SLC26A7: variants seen among roughly 807,000 people sequenced by gnomAD.
SLC26A7 encodes anion exchange transporter.
Under a neutral mutation model 82.5 loss-of-function variants are expected in SLC26A7, and 59 were observed. That is an observed-to-expected ratio of 0.72 (90% CI 0.58 to 0.89). The LOEUF is 0.89. Ranked by LOEUF, SLC26A7 falls within the 40% of genes least tolerant of loss-of-function variation. SLC26A7 has a pLI of 0.00. For missense variants in SLC26A7, 820 were observed against 793.0 expected (o/e 1.03, Z -0.41); for synonymous variants, 271 against 274.3 (o/e 0.99, Z 0.12).
intron 7 of SLC26A7, 139 bp downstream of exon 7, chr8:91,338,371 A>C (rs1423462554): frequency 5.5e-6 from 3 of 543,172 alleles, no homozygotes; most frequent in Non-Finnish European, 9.2e-6. Context: ...AGAAATACAC[A>C]CTTCATGTGT....
chr8:91,245,843 C>A (rs945005754), upstream of SLC26A7, among the ~76,000 whole-genome samples: 1 of 152,206 alleles, frequency 6.6e-6, no homozygotes, highest in Non-Finnish European at 1.5e-5. Flanking sequence ...CCTCACACTT[C>A]ATAATTGCCG....
intron 2 of SLC26A7, among the ~76,000 whole-genome samples, chr8:91,287,958 A>G (rs1372367767): frequency 2.0e-5 from 3 of 152,156 alleles, no homozygotes; most frequent in East Asian, 1.9e-4. Context: ...ACCAGACTGT[A>G]GGGATACATT....
At chr8:91,351,184 T>A (rs1280045919) in intron 9 of SLC26A7, among the ~76,000 whole-genome samples, 2 of 151,952 alleles carry the variant, frequency 1.3e-5, no homozygotes, top group African/African-American at 2.4e-5. Context: ...ACTATAGGAG[T>A]CAGGTGAATT....
chr8:91,352,908 T>G lies in SLC26A7; in HGVS notation c.1226T>G (p.Leu409Arg). Residue 409 changes from leucine (L) to arginine (R), a missense_variant, in exon 11 of 19, where the codon CTT becomes CGT. Transcript: ENST00000276609. Reference protein sequence around the residue: ...PLLYWLPMCVLASIIVVGLKG... With the variant: ...PLLYWLPMCVRASIIVVGLKG... ...CTTACGTTTTATTTCTAGTGTGTCC[T>G]TGCAAGCATTATTGTTGTGGGACTG... 1 of 1,601,402 alleles carries G rather than the reference T, an allele frequency of 6.2e-7. No homozygotes were observed. The highest frequency in any genetic ancestry group is 8.5e-7 in the Non-Finnish European group (1 of 1,174,970).
At chr8:91,312,863 TA>T (rs1374662501) in intron 4 of SLC26A7, among the ~76,000 whole-genome samples, 23 of 152,174 alleles carry the variant, frequency 1.5e-4, no homozygotes, top group Non-Finnish European at 1.9e-4. Context: ...TGTTGAGTTT[TA>T]GGAGTTCTCT....
At chr8:91,369,368 TG>T (rs1475991062) in intron 14 of SLC26A7, among the ~76,000 whole-genome samples, 2 of 9,668 alleles carry the variant, frequency 2.1e-4, no homozygotes, top group African/African-American at 3.0e-4. Flanking sequence ...GATACAGAGC[TG>T]TTTTTTTTTT....
intron 4 of SLC26A7, among the ~76,000 whole-genome samples, chr8:91,299,956 G>T (rs1812118032): frequency 6.6e-6 from 1 of 152,178 alleles, no homozygotes. Context: ...TATAAGTCAA[G>T]TAAAGAAGTG....
At chr8:91,279,800 C>A (rs1039908941) in intron 2 of SLC26A7, among the ~76,000 whole-genome samples, 4 of 152,106 alleles carry the variant, frequency 2.6e-5, no homozygotes, top group African/African-American at 9.7e-5. Flanking sequence ...ACCTCGTGTG[C>A]ACCCGCCTCG....
chr8:91,264,743 C>T (rs757690262), intron 2 of SLC26A7, among the ~76,000 whole-genome samples: 7 of 151,898 alleles, frequency 4.6e-5, no homozygotes, highest in South Asian at 2.1e-4. Context: ...GGTTACTTGC[C>T]AAAAATTTTT....
At position 91,394,010 on chromosome 8, in the gene SLC26A7, G is replaced by A. The variant is rs1563717757; in HGVS notation, c.1906G>A (p.Ala636Thr). Residue 636 changes from alanine to threonine, a missense_variant, in exon 18 of 19, where the codon GCT becomes ACT. Ala to Thr is a moderately conservative substitution (Grantham distance 58). Coordinates refer to ENST00000276609, the MANE Select transcript of SLC26A7 (RefSeq NM_052832.4). ...ACCAATTTTTTTTGAATCGGTATCT[G>A]CTGCAATAAGTCATATCCATTCAAA... ...EKPIFFESVSAAISHIHSNKN... is the reference protein window; with the variant it reads ...EKPIFFESVSTAISHIHSNKN... The A allele has an allele frequency of 1.2e-6, 2 of 1,613,568 alleles. No homozygotes were observed. Among genetic ancestry groups the A allele is most frequent in the Non-Finnish European group, 1.7e-6 (2 of 1,179,588 alleles).
intron 2 of SLC26A7, among the ~76,000 whole-genome samples, chr8:91,233,360 A>G (rs982025901): frequency 1.3e-5 from 2 of 152,138 alleles, no homozygotes; most frequent in African/African-American, 4.8e-5. Flanking sequence ...TGAGGTCAGG[A>G]GTTCGAGACC....
chr8:91,286,620 C>A (rs1341256968), intron 2 of SLC26A7, among the ~76,000 whole-genome samples: 4 of 152,100 alleles, frequency 2.6e-5, no homozygotes, highest in Admixed American at 2.6e-4. Flanking sequence ...CAATATTTTT[C>A]CCCGAAATAG....
At chr8:91,366,754 T>A in intron 14 of SLC26A7, 37 bp downstream of exon 14, 3 of 1,589,086 alleles carry the variant, frequency 1.9e-6, no homozygotes, top group Non-Finnish European at 2.6e-6. Context: ...TCATACTACA[T>A]GTAGCCTTAT....
intron 2 of SLC26A7, among the ~76,000 whole-genome samples, chr8:91,274,470 G>A (rs10090552): frequency 0.11 from 16,822 of 152,214 alleles, 1,108 homozygotes; most frequent in Middle Eastern, 0.21. Context: ...GAGAAACAGA[G>A]AGCAAGAGAA....
chr8:91,269,292 C>T (rs1030363001), intron 2 of SLC26A7, among the ~76,000 whole-genome samples: 6 of 149,002 alleles, frequency 4.0e-5, no homozygotes, highest in Admixed American at 4.0e-4. Context: ...GATGAATTTC[C>T]TCATCTTGTT....
At chr8:91,309,915 T>G (rs77936461) in intron 4 of SLC26A7, among the ~76,000 whole-genome samples, 4,259 of 152,160 alleles carry the variant, frequency 0.028, 178 homozygotes, top group African/African-American at 0.096. Flanking sequence ...TCGAGGTGTT[T>G]TTCCCTACCC....
chr8:91,304,173 A>C (rs1458474488), intron 4 of SLC26A7, among the ~76,000 whole-genome samples: 5 of 152,210 alleles, frequency 3.3e-5, no homozygotes, highest in Non-Finnish European at 7.3e-5. Context: ...TTTAGGAATA[A>C]TTCCCTATTA....
chr8:91,373,583 A>G lies in SLC26A7; in HGVS notation c.1675+3750A>G, dbSNP rs184657297. 3.3e-3 allele frequency among the ~76,000 whole-genome samples: 498 copies of G among 152,082 alleles called. 2 individuals are homozygous for G. The highest frequency in any genetic ancestry group is 0.012 in the African/African-American group (486 of 41,544). ...TCCCTGGAATAAAACCCACTTGATC[A>G]TAATGAATTTTTGTTTTTGATGTGC... is the stretch of plus-strand genomic sequence containing the variant. On this transcript the variant is annotated intron_variant, in intron 15 of 18. Coordinates refer to ENST00000276609, the MANE Select transcript of SLC26A7 (RefSeq NM_052832.4).
At chr8:91,347,219 G>T (rs1813586709) in intron 9 of SLC26A7, among the ~76,000 whole-genome samples, 1 of 152,080 alleles carries the variant, frequency 6.6e-6, no homozygotes, top group Admixed American at 6.6e-5. Context: ...TGGTCAGGCT[G>T]GACAGTTCTT....
Sources: gnomAD v4.1 joint callset for allele counts (sites outside exome capture counted in the v4.1 genomes callset) on GRCh38, gnomAD v4.1.1 for gene constraint, MANE v1.5 for transcripts, NCBI Gene and HGNC (gene_info 2026-07-23, HGNC 2026-07-21) for gene names.